CATSPER4: variants seen among roughly 807,000 people sequenced by gnomAD.
The protein encoded by CATSPER4 is cation channel sperm-associated protein 4.
In CATSPER4, 46 loss-of-function variants were observed where a neutral mutation model predicts 54.4. That is an observed-to-expected ratio of 0.84 (90% CI 0.67 to 1.08). The LOEUF is 1.08. Ranked by LOEUF, CATSPER4 falls within the 50% of genes least tolerant of loss-of-function variation. The probability of loss-of-function intolerance (pLI) is 0.00; values close to 1 mark genes in which losing one functional copy is unlikely to be tolerated. For missense variants in CATSPER4, 574 were observed against 612.8 expected (o/e 0.94, Z 0.67); for synonymous variants, 230 against 231.9 (o/e 0.99, Z 0.08).
Position 26,198,439 on chromosome 1 carries a change from C to G in CATSPER4, c.812+20C>G, listed in dbSNP as rs1410492554. The G allele has an allele frequency of 1.2e-6, 2 of 1,613,736 alleles. No individual in the cohort carries two copies. Among genetic ancestry groups the G allele is most frequent in the African/African-American group, 2.7e-5 (2 of 74,924 alleles). ...CTTCCAGTGAGTGCCAGTGGGACTT[C>G]CAGCCTCATCCCACCTATGGGGCAG... On this transcript the variant is annotated intron_variant, in intron 6 of 9. Coordinates refer to ENST00000456354, the MANE Select transcript of CATSPER4 (RefSeq NM_198137.2).
At chr1:26,199,431 CAAAA>C (rs557579569) in intron 6 of CATSPER4, among the ~76,000 whole-genome samples, 1 of 101,708 alleles carries the variant, frequency 9.8e-6, no homozygotes. Context: ...GACTCTGTCT[CAAAA>C]AAAAAAAAAA....
Position 26,200,810 on chromosome 1 carries a change from C to T in CATSPER4, c.988-20C>T. The T allele has an allele frequency of 6.2e-7, 1 of 1,608,226 alleles. No individual in the cohort carries two copies. The highest frequency in any genetic ancestry group is 8.5e-7 in the Non-Finnish European group (1 of 1,174,852). ...GCCTGCCTGAGCTGTCCCGACCCCT[C>T]TCTATCCCCCGCTTCCCAGACAGGC... On this transcript the variant is annotated intron_variant, in intron 7 of 9. Transcript: ENST00000456354.
rs544844334 is a variant in CATSPER4, at chr1:26,201,218, A to G, written c.1200-136A>G. The G allele has an allele frequency of 8.6e-6, 9 of 1,046,562 alleles. No individual in the cohort carries two copies. In the South Asian group the frequency reaches 1.2e-4, roughly 15 times the overall value. 64.8% of individuals were successfully genotyped at this position (1,046,562 alleles called of 1,614,324 possible). On this transcript the variant is annotated intron_variant, in intron 8 of 9. Coordinates refer to ENST00000456354, the MANE Select transcript of CATSPER4 (RefSeq NM_198137.2). Reference sequence around the variant, plus strand: ...AGACTCCAGGTTCCTTCCATCTCACACAAGGGCACAGCTCGGCCTGGGTCT... The same window carrying G: ...AGACTCCAGGTTCCTTCCATCTCACGCAAGGGCACAGCTCGGCCTGGGTCT...
intron 8 of CATSPER4, 28 bp from the exon 9 acceptor site, chr1:26,201,326 T>C: frequency 6.2e-7 from 1 of 1,612,674 alleles, no homozygotes. Flanking sequence ...TGAGGCCTTC[T>C]GAAAGGCACT....
At chr1:26,200,774 G>T in intron 7 of CATSPER4, 56 bp from the exon 8 acceptor site, 1 of 1,391,508 alleles carries the variant, frequency 7.2e-7, no homozygotes, top group South Asian at 1.2e-5. Flanking sequence ...GGAAAAGGGT[G>T]CCGGGGGCGT....
At position 26,191,343 on chromosome 1, in the gene CATSPER4, A is replaced by T. The variant is rs2088866036; in HGVS notation, c.270A>T (p.Arg90=). ...ACATGTACATCAAGCAGCTGCTCCG[A>T]CACCCCGCCTTCCAACTGCTGCTGG... The part of the protein sequence containing the change: ...ITHMYIKQLL[R]HPAFQLLLAL... Residue 90 remains arginine, a synonymous_variant, in exon 2 of 10, where the codon CGA becomes CGT. Transcript: ENST00000456354. 4 of 1,614,120 alleles carry T rather than the reference A, an allele frequency of 2.5e-6. No homozygotes were observed. Among genetic ancestry groups the T allele is most frequent in the Non-Finnish European group, 3.4e-6 (4 of 1,180,028 alleles).
intron 6 of CATSPER4, 25 bp from the exon 7 acceptor site, chr1:26,199,859 T>C: frequency 6.2e-7 from 1 of 1,612,612 alleles, no homozygotes; most frequent in Admixed American, 1.7e-5. Flanking sequence ...AGGGAAATGA[T>C]GGGGCCCCTG....
At chr1:26,201,245 T>C in intron 8 of CATSPER4, 109 bp from the exon 9 acceptor site, 1 of 1,248,366 alleles carries the variant, frequency 8.0e-7, no homozygotes. Context: ...CCTGGGTCTC[T>C]GTCAGGGCTG....
chr1:26,196,697 C>T (rs868600157), intron 3 of CATSPER4, among the ~76,000 whole-genome samples: 18 of 152,152 alleles, frequency 1.2e-4, no homozygotes, highest in African/African-American at 4.3e-4. Context: ...AGGCTTGCAC[C>T]ACTGCACCTG....
In CATSPER4 at chr1:26,190,939, C is replaced by T. The variant is rs6696753; in HGVS notation, c.213+99C>T. On this transcript the variant is annotated intron_variant, in intron 1 of 9. Coordinates refer to ENST00000456354, the MANE Select transcript of CATSPER4 (RefSeq NM_198137.2). ...CTGCCCCTCTACCCTCTAAACGCCC[C>T]CAGAAGACCCTCCCTAGCACTGATC... The T allele has an allele frequency of 3.3e-3, 3,745 of 1,119,382 alleles. 85 individuals are homozygous for T. In the African/African-American group the frequency reaches 0.051, roughly 15 times the overall value. The allele number at this position is 1,119,382 out of a possible 1,614,324, so 69.3% of individuals were successfully genotyped here.
intron 1 of CATSPER4, 78 bp downstream of exon 1, chr1:26,190,918 C>A: frequency 7.3e-7 from 1 of 1,362,870 alleles, no homozygotes; most frequent in Non-Finnish European, 1.0e-6. Flanking sequence ...GTAACTCTGC[C>A]CCTCTACCCT....
chr1:26,198,256 G>A, intron 5 of CATSPER4, 30 bp from the exon 6 acceptor site: 1 of 1,614,190 alleles, frequency 6.2e-7, no homozygotes, highest in African/African-American at 1.3e-5. Context: ...CTTTGGTGAA[G>A]TCGGGGTGGG....
At chr1:26,202,137 C>G (rs1251276730) in intron 9 of CATSPER4, among the ~76,000 whole-genome samples, 1 of 152,188 alleles carries the variant, frequency 6.6e-6, no homozygotes, top group African/African-American at 2.4e-5. Flanking sequence ...GTGGCATGAG[C>G]CAGCTCAGTG....
At position 26,200,057 on chromosome 1, in the gene CATSPER4, A is replaced by G. The variant is rs2088990317; in HGVS notation, c.986A>G (p.Glu329Gly). The G allele has an allele frequency of 6.2e-7, 1 of 1,612,774 alleles. No individual in the cohort carries two copies. Among genetic ancestry groups the G allele is most frequent in the South Asian group, 1.1e-5 (1 of 90,904 alleles). The change falls in exon 7 of 10, where the codon GAG becomes GGG. Residue 329 changes from glutamate to glycine, a missense_variant and splice_region_variant. Glu to Gly is a moderately conservative substitution (Grantham distance 98). Transcript: ENST00000456354. ...CAACAGCAACGAATAACCTTTAGTG[A>G]GGTGCGTGGGATGGGGAGGGCAGAA... The part of the protein sequence containing the change: ...QGQQQRITFS[E>G]TGAEEEEEND...
chr1:26,199,973 T>C lies in CATSPER4; in HGVS notation c.902T>C (p.Leu301Pro). ...ATCGGTGCCTTCATTGGCATCAACC[T>C]GTTCGTCATCGTGGTGACCACCAAC... The part of the protein sequence containing the change: ...ITIGAFIGIN[L>P]FVIVVTTNLE... The change falls in exon 7 of 10, where the codon CTG becomes CCG. Residue 301 changes from leucine (L) to proline (P), a missense_variant. Transcript: ENST00000456354. 1.9e-6 allele frequency: 3 copies of C among 1,614,132 alleles called. No individual in the cohort carries two copies. Among genetic ancestry groups the C allele is most frequent in the Non-Finnish European group, 2.5e-6 (3 of 1,179,988 alleles).
rs370488506 is a variant in CATSPER4 at position 26,191,434 on chromosome 1, G to A, written c.357+4G>A. The stretch of plus-strand genomic sequence containing the variant: ...TACCAACTCCTACCTGGACCAGGTG[G>A]GATGCCAGCATGACCTCTGCCCCAC... On this transcript the variant is annotated splice_donor_region_variant and intron_variant, in intron 2 of 9. Coordinates refer to ENST00000456354, the MANE Select transcript of CATSPER4 (RefSeq NM_198137.2). The A allele has an allele frequency of 6.2e-7, 1 of 1,614,076 alleles. No homozygotes were observed. The highest frequency in any genetic ancestry group is 8.5e-7 in the Non-Finnish European group (1 of 1,180,020).
intron 9 of CATSPER4, among the ~76,000 whole-genome samples, chr1:26,202,270 G>A (rs34198298): frequency 0.12 from 18,740 of 152,108 alleles, 1,484 homozygotes; most frequent in Middle Eastern, 0.2. Flanking sequence ...ACACACCCAC[G>A]TTACTTAGTT....
At chr1:26,191,495 C>T (rs548427276) in intron 2 of CATSPER4, 65 bp downstream of exon 2, 54 of 1,557,072 alleles carry the variant, frequency 3.5e-5, no homozygotes, top group Admixed American at 7.0e-5. Flanking sequence ...AGAACTCTTC[C>T]GGCCTCAGGC....
Position 26,200,820 on chromosome 1 carries a change from C to G in CATSPER4, c.988-10C>G, listed in dbSNP as rs770159593. ...GCTGTCCCGACCCCTCTCTATCCCCCGCTTCCCAGACAGGCGCAGAGGAAG... is the reference window on the plus strand; with the variant it reads ...GCTGTCCCGACCCCTCTCTATCCCCGGCTTCCCAGACAGGCGCAGAGGAAG... On this transcript the variant is annotated splice_polypyrimidine_tract_variant and intron_variant, in intron 7 of 9. Transcript: ENST00000456354. 2 of 1,612,058 alleles carry G rather than the reference C, an allele frequency of 1.2e-6. No individual in the cohort carries two copies. Among genetic ancestry groups the G allele is most frequent in the African/African-American group, 2.7e-5 (2 of 74,870 alleles).
Sources: allele counts gnomAD v4.1 joint callset (sites outside exome capture counted in the v4.1 genomes callset), GRCh38; gene constraint gnomAD v4.1.1; transcripts MANE v1.5; gene names NCBI Gene and HGNC (gene_info 2026-07-23, HGNC 2026-07-21).